The following ROBO2 variants were observed in gnomAD, a reference collection of about 807,000 sequenced individuals.
ROBO2 encodes the protein roundabout guidance receptor 2.
Under a neutral mutation model 160.8 loss-of-function variants are expected in ROBO2, and 53 were observed. The observed-to-expected ratio is 0.33, with a 90% confidence interval of 0.26 to 0.41. The LOEUF (loss-of-function observed/expected upper bound fraction) is 0.41, where lower values mean the gene tolerates loss of function less well. Ranked by LOEUF, ROBO2 falls within the 10% of genes least tolerant of loss-of-function variation. ROBO2 has a pLI of 1.00. For missense variants in ROBO2, 1,577 were observed against 1,722.4 expected (o/e 0.92, Z 1.49); for synonymous variants, 664 against 611.7 (o/e 1.09, Z -1.26).
intron 1 of ROBO2, among the ~76,000 whole-genome samples, chr3:77,065,681 C>A (rs1282204082): frequency 6.6e-6 from 1 of 152,018 alleles, no homozygotes; most frequent in African/African-American, 2.4e-5. Flanking sequence ...TTTTAAGGAG[C>A]AACTAAAATA....
At chr3:76,038,087 A>G (rs1339611145) in intron 2 of ROBO2, among the ~76,000 whole-genome samples, 1 of 152,070 alleles carries the variant, frequency 6.6e-6, no homozygotes, top group East Asian at 1.9e-4. Context: ...TAGAGAAATC[A>G]TTCTAGTTTC....
intron 2 of ROBO2, among the ~76,000 whole-genome samples, chr3:76,754,214 T>C (rs997145073): frequency 6.6e-6 from 1 of 151,840 alleles, no homozygotes; most frequent in Non-Finnish European, 1.5e-5. Flanking sequence ...TCACCAAAAA[T>C]TCAAAAAAAG....
intron 9 of ROBO2, among the ~76,000 whole-genome samples, chr3:77,561,567 C>T (rs917540567): frequency 1.3e-5 from 2 of 152,058 alleles, no homozygotes; most frequent in Middle Eastern, 3.2e-3. Flanking sequence ...TTCTGAAAGT[C>T]CTTTGCCACT....
intron 1 of ROBO2, among the ~76,000 whole-genome samples, chr3:77,086,703 T>C (rs1315455826): frequency 6.6e-6 from 1 of 152,094 alleles, no homozygotes; most frequent in East Asian, 1.9e-4. Flanking sequence ...CTAAAATCAG[T>C]CATTGTGTGC....
At chr3:77,190,707 G>T (rs2081756171) in intron 2 of ROBO2, among the ~76,000 whole-genome samples, 2 of 151,952 alleles carry the variant, frequency 1.3e-5, no homozygotes. Context: ...ATTTGTTTCT[G>T]CTGCTCTATG....
intron 2 of ROBO2, among the ~76,000 whole-genome samples, chr3:77,111,153 G>A (rs2073525496): frequency 1.3e-5 from 2 of 151,904 alleles, no homozygotes; most frequent in Non-Finnish European, 2.9e-5. Context: ...GGAAAAAAAA[G>A]ACAAGCTACA....
intron 2 of ROBO2, among the ~76,000 whole-genome samples, chr3:77,174,349 A>G (rs1267211154): frequency 6.6e-6 from 1 of 152,062 alleles, no homozygotes; most frequent in East Asian, 1.9e-4. Context: ...TCATGCAAAA[A>G]AAAAAGAGTT....
At chr3:77,569,689 A>G (rs1373504198) in intron 13 of ROBO2, among the ~76,000 whole-genome samples, 4 of 151,986 alleles carry the variant, frequency 2.6e-5, no homozygotes, top group Non-Finnish European at 4.4e-5. Flanking sequence ...GTTGAGTGGC[A>G]TGAAGCCTCC....
intron 21 of ROBO2, among the ~76,000 whole-genome samples, chr3:77,614,248 G>A (rs1285283823): frequency 6.6e-6 from 1 of 152,186 alleles, no homozygotes; most frequent in Non-Finnish European, 1.5e-5. Flanking sequence ...CACCAGGACA[G>A]TGAGTTACAA....
chr3:76,357,056 A>G (rs1202107327), intron 2 of ROBO2, among the ~76,000 whole-genome samples: 1 of 151,960 alleles, frequency 6.6e-6, no homozygotes, highest in African/African-American at 2.4e-5. Flanking sequence ...ATTTAAAAAA[A>G]GGCAGAGAAA....
chr3:76,817,027 C>T (rs2065726559), intron 2 of ROBO2, among the ~76,000 whole-genome samples: 1 of 151,976 alleles, frequency 6.6e-6, no homozygotes, highest in African/African-American at 2.4e-5. Context: ...ACAGTAAGAA[C>T]ATATCAACAC....
At chr3:76,590,605 T>G (rs1040738006) in intron 2 of ROBO2, among the ~76,000 whole-genome samples, 3 of 152,150 alleles carry the variant, frequency 2.0e-5, no homozygotes, top group Admixed American at 6.5e-5. Flanking sequence ...ATTTTTGGTG[T>G]TGTTTGTAAA....
intron 2 of ROBO2, among the ~76,000 whole-genome samples, chr3:77,436,100 T>C (rs550469265): frequency 2.2e-4 from 33 of 151,550 alleles, no homozygotes; most frequent in African/African-American, 7.7e-4. Context: ...CTGTGTATGA[T>C]ATATAATACA....
chr3:76,358,902 C>G (rs1304694901), intron 2 of ROBO2, among the ~76,000 whole-genome samples: 3 of 149,886 alleles, frequency 2.0e-5, no homozygotes, highest in Non-Finnish European at 4.4e-5. Flanking sequence ...AGGTATATCT[C>G]CTAATGCTAT....
chr3:77,145,747 T>A (rs2077069565), intron 2 of ROBO2, among the ~76,000 whole-genome samples: 1 of 152,242 alleles, frequency 6.6e-6, no homozygotes, highest in Non-Finnish European at 1.5e-5. Context: ...CTAGAAAAGA[T>A]CTTTTCTGTC....
intron 2 of ROBO2, among the ~76,000 whole-genome samples, chr3:76,892,185 C>T (rs2074399383): frequency 6.6e-6 from 1 of 151,588 alleles, no homozygotes; most frequent in African/African-American, 2.4e-5. Flanking sequence ...AATTCTGTGT[C>T]ACTCAGTGGT....
intron 2 of ROBO2, among the ~76,000 whole-genome samples, chr3:76,111,365 T>C (rs2070222207): frequency 6.6e-6 from 1 of 152,008 alleles, no homozygotes; most frequent in Non-Finnish European, 1.5e-5. Flanking sequence ...CTCTGGAGCA[T>C]TGCCTTGTTG....
chr3:77,222,301 A>T (rs927892109), intron 2 of ROBO2, among the ~76,000 whole-genome samples: 12 of 152,234 alleles, frequency 7.9e-5, no homozygotes, highest in African/African-American at 2.4e-4. Context: ...ATGAATAATT[A>T]GGTATAGAGA....
rs1388700254 is a variant in ROBO2 at position 77,622,551 on chromosome 3, A to C, written c.3760+119A>C. 2.9e-5 allele frequency: 25 copies of C among 870,046 alleles called. No homozygotes were observed. In the East Asian group the frequency reaches 6.3e-4, roughly 22 times the overall value. 53.9% of individuals were successfully genotyped at this position (870,046 alleles called of 1,614,324 possible). Reference sequence around the variant, plus strand: ...CTCCATCTATTTCTGTAACATTTTAAATGTGTTAATATTAAATACAAAATT... The same window carrying C: ...CTCCATCTATTTCTGTAACATTTTACATGTGTTAATATTAAATACAAAATT... On this transcript the variant is annotated intron_variant, in intron 23 of 25. Coordinates refer to ENST00000461745, the Ensembl canonical transcript of ROBO2.
Sources: gnomAD v4.1 joint callset for allele counts (sites outside exome capture counted in the v4.1 genomes callset) on GRCh38, gnomAD v4.1.1 for gene constraint, MANE v1.5 for transcripts, NCBI Gene and HGNC (gene_info 2026-07-23, HGNC 2026-07-21) for gene names.